SIN3A: variants seen among roughly 807,000 people sequenced by gnomAD.
The protein encoded by SIN3A is paired amphipathic helix protein Sin3a.
SIN3A carries 14 observed loss-of-function variants against 146.1 expected under a neutral mutation model. That is an observed-to-expected ratio of 0.10 (90% CI 0.06 to 0.15). The LOEUF is 0.15. Ranked by LOEUF, SIN3A falls within the 10% of genes least tolerant of loss-of-function variation. The probability of loss-of-function intolerance (pLI) is 1.00; values close to 1 mark genes in which losing one functional copy is unlikely to be tolerated. For synonymous variants in SIN3A, 572 were observed against 572.0 expected, an observed-to-expected ratio of 1.00 and a Z score of 0.00; for missense variants, 1,028 against 1,576.0, an observed-to-expected ratio of 0.65 and a Z score of 5.89.
rs1283802481 is a variant in SIN3A, at chr15:75,409,876, T to C, written c.1277A>G (p.Gln426Arg). The C allele has an allele frequency of 1.9e-6, 3 of 1,613,368 alleles. No homozygotes were observed. The highest frequency in any genetic ancestry group is 2.5e-6 in the Non-Finnish European group (3 of 1,180,022). Residue 426 changes from glutamine (Q) to arginine (R), a missense_variant, in exon 8 of 21, where the codon CAG becomes CGG. Transcript: ENST00000394947. ...GGTTCCTGTAGGATGTCTGCGGATC[T>C]GGCAGCCATTCTGGCTGGGCCTCTG... ...KPQRPSQNGC[Q>R]IRRHPTGTTP...
chr15:75,378,806 T>C (rs2072912348), intron 19 of SIN3A, among the ~76,000 whole-genome samples: 1 of 151,802 alleles, frequency 6.6e-6, no homozygotes, highest in Admixed American at 6.6e-5. Context: ...TTATAAAATA[T>C]AAGCAATGCC....
At chr15:75,373,688 T>C (rs949397361) in intron 20 of SIN3A, among the ~76,000 whole-genome samples, 1 of 151,438 alleles carries the variant, frequency 6.6e-6, no homozygotes, top group Admixed American at 6.6e-5. Flanking sequence ...AATGGGTGGG[T>C]TGTTTGAACC....
intron 4 of SIN3A, among the ~76,000 whole-genome samples, chr15:75,413,547 G>GTTT (rs10713555): frequency 7.1e-6 from 1 of 141,228 alleles, no homozygotes; most frequent in Non-Finnish European, 1.5e-5. Flanking sequence ...GCCACAATTT[G>GTTT]TTTTTTTTTT....
At chr15:75,415,860 A>G (rs532072627) in intron 3 of SIN3A, 2 of 198,866 alleles carry the variant, frequency 1.0e-5, no homozygotes, top group Admixed American at 5.8e-5. Flanking sequence ...TCAGGAAAAA[A>G]AAAAAAAAAA....
At chr15:75,415,082 A>G (rs371484240) in intron 3 of SIN3A, among the ~76,000 whole-genome samples, 1 of 152,184 alleles carries the variant, frequency 6.6e-6, no homozygotes, top group East Asian at 1.9e-4. Context: ...CGTGTACGCA[A>G]TTTGACTGCA....
At chr15:75,419,234 T>C (rs991447819) in intron 3 of SIN3A, 3 of 152,224 alleles carry the variant, frequency 2.0e-5, no homozygotes, top group Non-Finnish European at 4.4e-5. Context: ...ACTATTTTAA[T>C]TCATATTCTG....
intron 10 of SIN3A, 55 bp downstream of exon 10, chr15:75,401,797 A>C: frequency 1.9e-6 from 2 of 1,055,768 alleles, no homozygotes; most frequent in Non-Finnish European, 2.9e-6. Context: ...TCACAAATCA[A>C]ACATTACCTG....
Position 75,430,320 on chromosome 15 carries a change from C to T in SIN3A, c.56G>A (p.Arg19Gln), listed in dbSNP as rs1210128185. The T allele has an allele frequency of 2.5e-6, 4 of 1,614,060 alleles. No individual in the cohort carries two copies. Among genetic ancestry groups the T allele is most frequent in the Non-Finnish European group, 2.5e-6 (3 of 1,180,008 alleles). The stretch of plus-strand genomic sequence containing the variant: ...AAAAGCCTCTGTGCTGCCAGGGATC[C>T]GACGCTGCTGGGCTGCATACACCGG... ...ESPVYAAQQR[R>Q]IPGSTEAFPH... Residue 19 changes from arginine (R) to glutamine (Q), a missense_variant, in exon 2 of 21, where the codon CGG becomes CAG. Arg to Gln is a conservative substitution (Grantham distance 43, BLOSUM62 1). Coordinates refer to ENST00000394947, the MANE Select transcript of SIN3A (RefSeq NM_001145358.2).
chr15:75,418,589 G>T (rs778190952), intron 3 of SIN3A, among the ~76,000 whole-genome samples: 13 of 152,100 alleles, frequency 8.5e-5, no homozygotes, highest in Non-Finnish European at 1.8e-4. Flanking sequence ...CAAAGTGCTG[G>T]GATTATAGGC....
At chr15:75,374,872 TG>T (rs796344468) in intron 20 of SIN3A, among the ~76,000 whole-genome samples, 31 of 152,308 alleles carry the variant, frequency 2.0e-4, no homozygotes, top group African/African-American at 7.5e-4. Context: ...TCACCTGATT[TG>T]TTTCCCTGGT....
At chr15:75,402,725 C>G (rs1024810921) in intron 9 of SIN3A, among the ~76,000 whole-genome samples, 1 of 152,104 alleles carries the variant, frequency 6.6e-6, no homozygotes, top group Non-Finnish European at 1.5e-5. Flanking sequence ...ACCTCTGCCT[C>G]CTGGGTTCAA....
At chr15:75,454,267 T>C (rs563375692), upstream of SIN3A, among the ~76,000 whole-genome samples, 1 of 152,174 alleles carries the variant, frequency 6.6e-6, no homozygotes, top group East Asian at 1.9e-4. Flanking sequence ...AAAGGGAGTC[T>C]CGCCTAGCCA....
chr15:75,411,426 T>C, intron 6 of SIN3A, 66 bp downstream of exon 6: 2 of 1,470,642 alleles, frequency 1.4e-6, no homozygotes, highest in Non-Finnish European at 1.9e-6. Context: ...TAATGGTTAC[T>C]TGTTATTGGA....
chr15:75,383,687 C>A (rs949347304), intron 17 of SIN3A, among the ~76,000 whole-genome samples: 3 of 152,126 alleles, frequency 2.0e-5, no homozygotes, highest in African/African-American at 7.2e-5. Flanking sequence ...CACCACTACG[C>A]CCGGCTAATT....
chr15:75,403,958 T>G (rs1156754109), intron 9 of SIN3A, among the ~76,000 whole-genome samples: 1 of 152,234 alleles, frequency 6.6e-6, no homozygotes, highest in East Asian at 1.9e-4. Context: ...TCTGGTCTTT[T>G]TTCTTCCTCT....
chr15:75,417,386 T>A (rs2073759651), intron 3 of SIN3A, among the ~76,000 whole-genome samples: 1 of 152,066 alleles, frequency 6.6e-6, no homozygotes, highest in Non-Finnish European at 1.5e-5. Flanking sequence ...TTCTTTTTTT[T>A]TTTTTTGAGA....
At chr15:75,402,373 A>AC in intron 9 of SIN3A, among the ~76,000 whole-genome samples, 1 of 151,540 alleles carries the variant, frequency 6.6e-6, no homozygotes, top group Non-Finnish European at 1.5e-5. Flanking sequence ...TTAGCCAGGC[A>AC]TGGTGGCACA....
At chr15:75,446,439 G>A (rs2074308243) in intron 1 of SIN3A, 1 of 150,522 alleles carries the variant, frequency 6.6e-6, no homozygotes, top group African/African-American at 2.4e-5. Flanking sequence ...TGTAGTCAGA[G>A]AGGTACTAGG....
At chr15:75,377,293 C>T (rs1185878477) in intron 19 of SIN3A, among the ~76,000 whole-genome samples, 1 of 152,100 alleles carries the variant, frequency 6.6e-6, no homozygotes, top group African/African-American at 2.4e-5. Context: ...ACTGACCATA[C>T]AATGACATTA....
Sources: gnomAD v4.1 joint callset for allele counts (sites outside exome capture counted in the v4.1 genomes callset) on GRCh38, gnomAD v4.1.1 for gene constraint, MANE v1.5 for transcripts, NCBI Gene and HGNC (gene_info 2026-07-23, HGNC 2026-07-21) for gene names.